Variants in UBE3A observed in about 807,000 individuals in gnomAD.
UBE3A encodes the protein ubiquitin protein ligase E3A.
UBE3A carries 6 observed loss-of-function variants against 83.4 expected under a neutral mutation model. The ratio of observed to expected loss-of-function variants is 0.07; its 90% confidence interval spans 0.04 to 0.14. The LOEUF is 0.14. Ranked by LOEUF, UBE3A falls within the 10% of genes least tolerant of loss-of-function variation. The pLI, the probability that UBE3A is intolerant of heterozygous loss-of-function variation, is 1.00. For synonymous variants in UBE3A, 337 were observed against 355.4 expected, an observed-to-expected ratio of 0.95 and a Z score of 0.58; for missense variants, 456 against 1,036.1, an observed-to-expected ratio of 0.44 and a Z score of 7.69.
chr15:25,373,684 G>A (rs1223574202), intron 5 of UBE3A: 1 of 152,096 alleles, frequency 6.6e-6, no homozygotes, highest in East Asian at 1.9e-4. Flanking sequence ...TCACCACGTT[G>A]GCCAGGTTGG....
At chr15:25,429,152 A>C (rs150669265) in intron 1 of UBE3A, among the ~76,000 whole-genome samples, 7 of 152,260 alleles carry the variant, frequency 4.6e-5, no homozygotes, top group Admixed American at 1.3e-4. Context: ...AAAAACCAAC[A>C]CCACATATCA....
chr15:25,349,063 T>G (rs1054957844), intron 11 of UBE3A, among the ~76,000 whole-genome samples: 1 of 152,214 alleles, frequency 6.6e-6, no homozygotes, highest in African/African-American at 2.4e-5. Flanking sequence ...ACAGTGTCAT[T>G]TTGGCAAAAG....
At chr15:25,373,343 T>C (rs1451237894) in intron 5 of UBE3A, among the ~76,000 whole-genome samples, 3 of 152,226 alleles carry the variant, frequency 2.0e-5, no homozygotes, top group Non-Finnish European at 4.4e-5. Flanking sequence ...TGCAGTAATA[T>C]GGCCTGTCCT....
intron 4 of UBE3A, among the ~76,000 whole-genome samples, chr15:25,381,836 A>T (rs2082221780): frequency 6.6e-6 from 1 of 152,232 alleles, no homozygotes; most frequent in Admixed American, 6.5e-5. Context: ...AGTATGATGT[A>T]GGGTCTGTTA....
intron 2 of UBE3A, among the ~76,000 whole-genome samples, chr15:25,411,526 G>A (rs943701430): frequency 3.3e-5 from 5 of 152,324 alleles, no homozygotes; most frequent in African/African-American, 9.6e-5. Context: ...GGAGATGGAC[G>A]TTGCAGTGAG....
intron 4 of UBE3A, 23 bp from the exon 5 acceptor site, chr15:25,375,786 A>C (rs746907249): frequency 6.2e-7 from 1 of 1,604,422 alleles, no homozygotes; most frequent in Non-Finnish European, 8.5e-7. Context: ...TTCAAACAAT[A>C]AGCACAGTGA....
Position 25,375,479 on chromosome 15 carries a change from C to A in UBE3A, c.347G>T (p.Arg116Ile). ...AAACATCTTACCTTTAAAATCAATT[C>A]TAGCGCCTTTCTTGTTCATTTTTAT... is the stretch of plus-strand genomic sequence containing the variant. The part of the protein sequence containing the change: ...SEIKMNKKGA[R>I]IDFKDVTYLT... Residue 116 changes from arginine (R) to isoleucine (I), a missense_variant, in exon 5 of 13, where the codon AGA becomes ATA. Transcript: ENST00000648336. 1.9e-6 allele frequency: 3 copies of A among 1,614,074 alleles called. No homozygotes were observed. The highest frequency in any genetic ancestry group is 2.5e-6 in the Non-Finnish European group (3 of 1,180,020).
intron 4 of UBE3A, among the ~76,000 whole-genome samples, chr15:25,383,433 G>A (rs2082549957): frequency 6.6e-6 from 1 of 152,038 alleles, no homozygotes; most frequent in Non-Finnish European, 1.5e-5. Context: ...GGTCAGGAGT[G>A]TGAGACCAGC....
intron 1 of UBE3A, among the ~76,000 whole-genome samples, chr15:25,422,264 CAA>C (rs1326691438): frequency 6.6e-6 from 1 of 151,842 alleles, no homozygotes; most frequent in Non-Finnish European, 1.5e-5. Context: ...TGCCTGGGGC[CAA>C]GAGGGAGAAA....
intron 6 of UBE3A, among the ~76,000 whole-genome samples, chr15:25,364,785 A>G (rs2078794673): frequency 6.6e-6 from 1 of 151,792 alleles, no homozygotes; most frequent in African/African-American, 2.4e-5. Flanking sequence ...CTGGGACTAC[A>G]GGCGCCTGCC....
chr15:25,350,712 C>A (rs1000260924), intron 11 of UBE3A, among the ~76,000 whole-genome samples: 35 of 151,542 alleles, frequency 2.3e-4, no homozygotes, highest in Non-Finnish European at 4.6e-4. Flanking sequence ...AAAAAAAAAA[C>A]ACTTTGCGTA....
chr15:25,414,202 T>C (rs953530378), intron 1 of UBE3A, among the ~76,000 whole-genome samples: 12 of 152,182 alleles, frequency 7.9e-5, no homozygotes, highest in African/African-American at 2.7e-4. Context: ...AATCTCACTG[T>C]CCTGGTTAAG....
chr15:25,359,496 T>C (rs1331027214), intron 7 of UBE3A, among the ~76,000 whole-genome samples: 1 of 149,024 alleles, frequency 6.7e-6, no homozygotes, highest in African/African-American at 2.5e-5. Flanking sequence ...TCAACTCAAT[T>C]AGAATCAACA....
chr15:25,389,543 C>G (rs1238919669), intron 4 of UBE3A, among the ~76,000 whole-genome samples: 1 of 152,042 alleles, frequency 6.6e-6, no homozygotes, highest in East Asian at 1.9e-4. Flanking sequence ...AAAAGACAAG[C>G]CACAGATAGG....
chr15:25,341,131 G>A (rs1025485716), intron 11 of UBE3A, among the ~76,000 whole-genome samples: 2 of 151,470 alleles, frequency 1.3e-5, no homozygotes, highest in Admixed American at 1.3e-4. Context: ...GTGCAGTGGC[G>A]CGATCTCGGC....
Position 25,335,938 on chromosome 15 carries a change from G to C in UBE3A, c.*3199C>G, listed in dbSNP as rs1467739437. 6.6e-6 allele frequency: 1 copy of C among 152,206 alleles called. No homozygotes were observed. The highest frequency in any genetic ancestry group is 1.5e-5 in the Non-Finnish European group (1 of 68,040). The allele number at this position is 152,206 out of a possible 1,614,324, so 9.4% of individuals were successfully genotyped here. A position where few individuals can be genotyped will look rare whatever the true frequency, so the allele number is the denominator to read the frequency against. On this transcript the variant is annotated 3_prime_UTR_variant, in exon 13 of 13. Coordinates refer to ENST00000648336, the MANE Select transcript of UBE3A (RefSeq NM_130839.5). ...TGTTGTCAAGGTTATAGATGTTACT[G>C]ATTTTGGCAATGAGGAGATTATAAG...
intron 4 of UBE3A, among the ~76,000 whole-genome samples, chr15:25,399,740 A>T (rs6576421): frequency 0.95 from 143,018 of 150,028 alleles, 68,398 homozygotes; most frequent in East Asian, 1. Context: ...GGCTTTAAAA[A>T]TTTTTTTTTT....
intron 12 of UBE3A, 30 bp downstream of exon 12, chr15:25,340,055 G>C (rs1412760153): frequency 6.2e-7 from 1 of 1,613,622 alleles, no homozygotes; most frequent in African/African-American, 1.3e-5. Flanking sequence ...TTTTCGGTAG[G>C]TATACAGTCA....
In UBE3A at chr15:25,339,080, TAA is replaced by T; in HGVS notation, c.*55_*56del. The T allele has an allele frequency of 6.8e-7, 1 of 1,474,862 alleles. No individual in the cohort carries two copies. The highest frequency in any genetic ancestry group is 1.4e-5 in the South Asian group (1 of 72,618). 91.4% of individuals were successfully genotyped at this position (1,474,862 alleles called of 1,614,324 possible). A position where few individuals can be genotyped will look rare whatever the true frequency, so the allele number is the denominator to read the frequency against. ...CCCTCGTTATATTTTTAAAATTTTT[TAA>T]ATTTTTTCTTTTTTTTTCCTTCCTT... is the stretch of plus-strand genomic sequence containing the variant. On this transcript the variant is annotated 3_prime_UTR_variant, in exon 13 of 13. Coordinates refer to ENST00000648336, the MANE Select transcript of UBE3A (RefSeq NM_130839.5).
Sources: gnomAD v4.1 joint callset for allele counts (sites outside exome capture counted in the v4.1 genomes callset) on GRCh38, gnomAD v4.1.1 for gene constraint, MANE v1.5 for transcripts, NCBI Gene and HGNC (gene_info 2026-07-23, HGNC 2026-07-21) for gene names.